TBCK: variants seen among roughly 807,000 people sequenced by gnomAD.
The protein encoded by TBCK is TBC domain-containing protein kinase-like protein.
A neutral mutation model predicts 113.4 loss-of-function variants in TBCK; 99 were observed. The ratio of observed to expected loss-of-function variants is 0.87; its 90% CI spans 0.74 to 1.03. The LOEUF (loss-of-function observed/expected upper bound fraction) is 1.03. Ranked by LOEUF, TBCK falls within the 50% of genes least tolerant of loss-of-function variation. The probability of loss-of-function intolerance (pLI) is 0.00; values close to 1 mark genes in which losing one functional copy is unlikely to be tolerated. For synonymous variants in TBCK, 369 were observed against 370.8 expected (o/e 1.00, Z 0.05); for missense variants, 1,045 against 1,061.3 (o/e 0.98, Z 0.21).
intron 23 of TBCK, among the ~76,000 whole-genome samples, chr4:106,161,696 GTGTC>G (rs1276382346): frequency 1.5e-5 from 2 of 137,106 alleles, no homozygotes; most frequent in African/African-American, 5.7e-5. Context: ...AGAATTAGGT[GTGTC>G]TGTGTGTGTG....
intron 19 of TBCK, among the ~76,000 whole-genome samples, chr4:106,227,952 A>G (rs1017926622): frequency 7.2e-5 from 11 of 152,026 alleles, no homozygotes; most frequent in African/African-American, 2.4e-4. Context: ...TATGTACCAG[A>G]AATTTACATA....
chr4:106,191,009 A>G (rs1036528675), intron 22 of TBCK, among the ~76,000 whole-genome samples: 6 of 152,194 alleles, frequency 3.9e-5, no homozygotes, highest in Admixed American at 1.3e-4. Flanking sequence ...TCAGCTCTCT[A>G]TATCTATGGG....
chr4:106,103,921 C>G (rs1439031171), intron 24 of TBCK, among the ~76,000 whole-genome samples: 3 of 152,168 alleles, frequency 2.0e-5, no homozygotes, highest in African/African-American at 7.2e-5. Context: ...ACTCCCCCAC[C>G]CAAGGGAAGT....
chr4:106,132,365 T>A (rs1485020687), intron 23 of TBCK, among the ~76,000 whole-genome samples: 1 of 152,260 alleles, frequency 6.6e-6, no homozygotes, highest in Non-Finnish European at 1.5e-5. Context: ...AGCTCAAGGC[T>A]TTGCTTCAGG....
At chr4:106,310,969 A>G (rs1768139150) in intron 1 of TBCK, among the ~76,000 whole-genome samples, 1 of 152,178 alleles carries the variant, frequency 6.6e-6, no homozygotes, top group Admixed American at 6.6e-5. Context: ...GAAATGGCCA[A>G]TAGATACATG....
Position 106,277,359 on chromosome 4 carries a change from T to C in TBCK, c.267-15147A>G, listed in dbSNP as rs531677330. On this transcript the variant is annotated intron_variant, in intron 3 of 25. Coordinates refer to ENST00000394708, the MANE Select transcript of TBCK (RefSeq NM_001163435.3). ...GCTCAAAGTATTTCCTCATGAAAAA[T>C]GAAAACAGAAGGCCACAAAAAAAAG... Among the ~76,000 whole-genome samples, 6 of 151,736 alleles carry C rather than the reference T, an allele frequency of 4.0e-5. No individual in the cohort carries two copies. The East Asian group carries it at 1.2e-3, about 29-fold the overall frequency.
chr4:106,236,713 T>C (rs1759511610), intron 13 of TBCK, 46 bp downstream of exon 13: 2 of 1,162,650 alleles, frequency 1.7e-6, no homozygotes, highest in African/African-American at 1.6e-5. Context: ...AAATCTAATA[T>C]AAATAGAAAG....
intron 16 of TBCK, 130 bp from the exon 17 acceptor site, chr4:106,233,194 G>A (rs1017472242): frequency 4.4e-6 from 4 of 903,976 alleles, no homozygotes; most frequent in East Asian, 2.7e-5. Flanking sequence ...AACTTCTTAA[G>A]TGCCTAATTT....
At chr4:106,267,602 T>C (rs1301848516) in intron 3 of TBCK, among the ~76,000 whole-genome samples, 2 of 151,954 alleles carry the variant, frequency 1.3e-5, no homozygotes, top group African/African-American at 4.8e-5. Flanking sequence ...ACAAAAGTCA[T>C]AAATCTTGGG....
intron 24 of TBCK, among the ~76,000 whole-genome samples, chr4:106,115,028 G>A (rs1249830010): frequency 6.6e-6 from 1 of 152,100 alleles, no homozygotes; most frequent in Non-Finnish European, 1.5e-5. Context: ...AAAATGATAA[G>A]AATATATCAT....
intron 22 of TBCK, among the ~76,000 whole-genome samples, chr4:106,178,329 T>C (rs1751931733): frequency 6.6e-6 from 1 of 151,986 alleles, no homozygotes; most frequent in South Asian, 2.1e-4. Context: ...TGTTGCCTAA[T>C]TGCTCTGTCT....
At chr4:106,188,768 C>A (rs1451508133) in intron 22 of TBCK, among the ~76,000 whole-genome samples, 1 of 152,128 alleles carries the variant, frequency 6.6e-6, no homozygotes, top group Non-Finnish European at 1.5e-5. Flanking sequence ...TTCTTTTAAA[C>A]TTTATAAAGT....
intron 25 of TBCK, among the ~76,000 whole-genome samples, chr4:106,085,612 G>A (rs1286687211): frequency 1.3e-5 from 2 of 152,146 alleles, no homozygotes; most frequent in Admixed American, 1.3e-4. Context: ...AGTAAACCTA[G>A]TAAACATCTA....
chr4:106,268,271 C>G (rs992311079), intron 3 of TBCK, among the ~76,000 whole-genome samples: 2 of 152,002 alleles, frequency 1.3e-5, no homozygotes, highest in Non-Finnish European at 2.9e-5. Context: ...AACTCCCTTT[C>G]TTGATTTCCG....
At chr4:106,202,589 CAG>C (rs1301606184) in intron 20 of TBCK, among the ~76,000 whole-genome samples, 3 of 152,062 alleles carry the variant, frequency 2.0e-5, no homozygotes, top group Non-Finnish European at 4.4e-5. Flanking sequence ...TGTTTCATAA[CAG>C]GGGAAAATGT....
In TBCK at chr4:106,233,038, A is replaced by G; in HGVS notation, c.1539T>C (p.His513=). The stretch of plus-strand genomic sequence containing the variant: ...GTGATGATAACAGTTCATCGTACTG[A>G]TGACAGCGAGGAATATCCACTTCAA... ...RQIEVDIPRC[H]QYDELLSSPE... Residue 513 remains histidine, a synonymous_variant, in exon 17 of 26, where the codon CAT becomes CAC. Transcript: ENST00000394708. 1 of 1,611,852 alleles carries G rather than the reference A, an allele frequency of 6.2e-7. No individual in the cohort carries two copies. Among genetic ancestry groups the G allele is most frequent in the Non-Finnish European group, 8.5e-7 (1 of 1,178,530 alleles).
At chr4:106,251,103 T>C in intron 6 of TBCK, 2 of 385,146 alleles carry the variant, frequency 5.2e-6, no homozygotes, top group Non-Finnish European at 1.0e-5. Context: ...AGTTGAGCAA[T>C]GATTGTGTGC....
intron 23 of TBCK, chr4:106,163,563 T>C (rs1240131823): frequency 6.6e-6 from 1 of 152,182 alleles, no homozygotes; most frequent in African/African-American, 2.4e-5. Context: ...AGTTCAGCAA[T>C]GCTTGGCAGG....
chr4:106,174,806 A>T (rs1751450304), intron 22 of TBCK, among the ~76,000 whole-genome samples: 1 of 152,026 alleles, frequency 6.6e-6, no homozygotes, highest in African/African-American at 2.4e-5. Context: ...TTCATCACAA[A>T]CATCATTGCA....
Sources: allele counts gnomAD v4.1 joint callset (sites outside exome capture counted in the v4.1 genomes callset), GRCh38; gene constraint gnomAD v4.1.1; transcripts MANE v1.5; gene names NCBI Gene and HGNC (gene_info 2026-07-23, HGNC 2026-07-21).